BPTF: variants seen among roughly 807,000 people sequenced by gnomAD.
The protein encoded by BPTF is nucleosome-remodeling factor subunit BPTF.
In BPTF, 18 loss-of-function variants were observed where a neutral mutation model predicts 292.5. The ratio of observed to expected loss-of-function variants is 0.06; its 90% CI spans 0.04 to 0.09. BPTF has a LOEUF of 0.09. Ranked by LOEUF, BPTF falls within the 10% of genes least tolerant of loss-of-function variation. The probability of loss-of-function intolerance (pLI) is 1.00; values close to 1 mark genes in which losing one functional copy is unlikely to be tolerated. For missense variants in BPTF, 2,726 were observed against 3,498.7 expected (o/e 0.78, Z 5.57); for synonymous variants, 1,225 against 1,251.9 (o/e 0.98, Z 0.45).
chr17:67,917,131 C>CT (rs943348736), intron 11 of BPTF, among the ~76,000 whole-genome samples: 3,067 of 105,800 alleles, frequency 0.029, 203 homozygotes, highest in Non-Finnish European at 0.032. Context: ...TGGTATTGTC[C>CT]TTTTTTTTTT....
At chr17:67,892,572 G>A (rs572801543) in intron 5 of BPTF, among the ~76,000 whole-genome samples, 80 of 152,282 alleles carry the variant, frequency 5.3e-4, no homozygotes, top group Middle Eastern at 3.4e-3. Context: ...GACAGGACAT[G>A]GTCCCAACTT....
chr17:67,850,231 C>T (rs2058309545), intron 1 of BPTF, among the ~76,000 whole-genome samples: 1 of 151,990 alleles, frequency 6.6e-6, no homozygotes, highest in Non-Finnish European at 1.5e-5. Flanking sequence ...TTAAAAAATC[C>T]CTGTCGTTAA....
chr17:67,875,670 G>A, intron 4 of BPTF: 2 of 1,607,660 alleles, frequency 1.2e-6, no homozygotes, highest in Non-Finnish European at 1.7e-6. Flanking sequence ...CCTGTGGGGT[G>A]TCTCTCAGAA....
chr17:67,944,450 C>T, intron 20 of BPTF, 78 bp downstream of exon 20: 1 of 1,479,696 alleles, frequency 6.8e-7, no homozygotes, highest in Non-Finnish European at 9.2e-7. Flanking sequence ...ACAGGAGAAC[C>T]AGTATTTACC....
chr17:67,946,178 T>C lies in BPTF; in HGVS notation c.7470T>C (p.Val2490=). 1 of 1,614,172 alleles carries C rather than the reference T, an allele frequency of 6.2e-7. No homozygotes were observed. Among genetic ancestry groups the C allele is most frequent in the Non-Finnish European group, 8.5e-7 (1 of 1,180,024 alleles). ...AVQTHQIQNV[V]TVQAASVQEQ... The stretch of plus-strand genomic sequence containing the variant: ...AGACTCACCAGATTCAGAATGTGGT[T>C]ACAGTGCAGGCAGCCAGTGTGCAAG... Residue 2490 remains valine, a synonymous_variant, in exon 21 of 28, where the codon GTT becomes GTC. Coordinates refer to ENST00000306378, the MANE Select transcript of BPTF (RefSeq NM_182641.4).
intron 4 of BPTF, among the ~76,000 whole-genome samples, chr17:67,877,490 T>C (rs1431522945): frequency 6.6e-6 from 1 of 152,270 alleles, no homozygotes; most frequent in Non-Finnish European, 1.5e-5. Flanking sequence ...ATAGCCGTGA[T>C]AGAAGACATC....
Position 67,961,664 on chromosome 17 carries a change from T to G in BPTF, c.8261+1789T>G, listed in dbSNP as rs189500724. ...GTGTTTGAGACCAGTCTGGGCAACA[T>G]AGAGAGACCCCGTCTGTACAAAAAA... On this transcript the variant is annotated intron_variant, in intron 24 of 27. Transcript: ENST00000306378. Among the ~76,000 whole-genome samples, 196 of 151,886 alleles carry G rather than the reference T, an allele frequency of 1.3e-3. 1 individual carries two copies. The highest frequency in any genetic ancestry group is 2.2e-3 in the Non-Finnish European group (151 of 67,918).
At chr17:67,871,462 A>G (rs954151318) in intron 3 of BPTF, among the ~76,000 whole-genome samples, 4 of 151,196 alleles carry the variant, frequency 2.6e-5, no homozygotes, top group Non-Finnish European at 5.9e-5. Flanking sequence ...AAAAAAAAAA[A>G]TTATACAGTA....
intron 1 of BPTF, among the ~76,000 whole-genome samples, chr17:67,842,118 G>A (rs78222435): frequency 1.3e-5 from 2 of 151,862 alleles, no homozygotes; most frequent in African/African-American, 2.4e-5. Context: ...TTGTACATAT[G>A]TGTATATATC....
intron 7 of BPTF, among the ~76,000 whole-genome samples, chr17:67,895,460 AC>A (rs2061379598): frequency 1.4e-5 from 2 of 145,434 alleles, no homozygotes; most frequent in African/African-American, 5.1e-5. Flanking sequence ...TCCACCACAT[AC>A]ATTTTTTTTT....
At chr17:67,931,300 GTAAA>G (rs2064365864) in intron 17 of BPTF, among the ~76,000 whole-genome samples, 1 of 151,630 alleles carries the variant, frequency 6.6e-6, no homozygotes, top group Non-Finnish European at 1.5e-5. Context: ...CTCTAAATAA[GTAAA>G]TGAATGAATG....
intron 26 of BPTF, among the ~76,000 whole-genome samples, chr17:67,969,163 A>G (rs1198046871): frequency 2.0e-5 from 3 of 149,940 alleles, no homozygotes; most frequent in Non-Finnish European, 4.4e-5. Flanking sequence ...TGAATCAGCC[A>G]AGGCCAGGCG....
chr17:67,949,940 C>G (rs1555677594), intron 23 of BPTF, among the ~76,000 whole-genome samples: 1 of 146,858 alleles, frequency 6.8e-6, no homozygotes, highest in Non-Finnish European at 1.5e-5. Context: ...GTAATCCCAG[C>G]TAGTTAGGAG....
chr17:67,964,305 C>G lies in BPTF; in HGVS notation c.8355C>G (p.Val2785=). The G allele has an allele frequency of 6.2e-7, 1 of 1,614,154 alleles. No homozygotes were observed. Among genetic ancestry groups the G allele is most frequent in the Non-Finnish European group, 8.5e-7 (1 of 1,180,030 alleles). ...AGGCAGAGCTCATTGATGAGTATGT[C>G]TGTCCACAGTGCCAGTCAACAGAGG... ...QSEAELIDEY[V]CPQCQSTEDA... is the part of the protein sequence containing the mutation. Residue 2785 remains valine, a synonymous_variant, in exon 25 of 28, where the codon GTC becomes GTG. Transcript: ENST00000306378.
rs56335701 is a variant in BPTF at position 67,843,754 on chromosome 17, C to CTTTT, written c.614-10161_614-10158dup. 3.7e-4 allele frequency among the ~76,000 whole-genome samples: 23 copies of CTTTT among 62,224 alleles called. 4 individuals carry two copies. The highest frequency in any genetic ancestry group is 1.9e-3 in the African/African-American group (23 of 11,922). The allele number at this position is 62,224 out of a possible 152,430, so 40.8% of individuals were successfully genotyped here. A position where few individuals can be genotyped will look rare whatever the true frequency, so the allele number is the denominator to read the frequency against. Reference sequence around the variant, plus strand: ...TTTTTAAATTGTCTGGAGCAGTTGTCTTTTTTTTTTTTTTTTTTTTTTTTT... The same window carrying CTTTT: ...TTTTTAAATTGTCTGGAGCAGTTGTCTTTTTTTTTTTTTTTTTTTTTTTTTTTTT... On this transcript the variant is annotated intron_variant, in intron 1 of 27. Coordinates refer to ENST00000306378, the MANE Select transcript of BPTF (RefSeq NM_182641.4).
At chr17:67,972,781 C>G (rs1437816164) in intron 26 of BPTF, among the ~76,000 whole-genome samples, 2 of 151,736 alleles carry the variant, frequency 1.3e-5, no homozygotes, top group African/African-American at 4.8e-5. Flanking sequence ...TATTCACATA[C>G]TTTATTAAAA....
At position 67,903,648 on chromosome 17, in the gene BPTF, A is replaced by G. The variant is rs923826972; in HGVS notation, c.2544-141A>G. 1.6e-5 allele frequency: 11 copies of G among 674,832 alleles called. No individual in the cohort carries two copies. In the Middle Eastern group the frequency reaches 1.8e-3, roughly 112 times the overall value. 41.8% of individuals were successfully genotyped at this position (674,832 alleles called of 1,614,324 possible). A position where few individuals can be genotyped will look rare whatever the true frequency, so the allele number is the denominator to read the frequency against. ...CTTGTTAAGGAATTGTACAACTACAACTAAGTTTTGTCAGTTGGGGTTGTC... is the reference window on the plus strand; with the variant it reads ...CTTGTTAAGGAATTGTACAACTACAGCTAAGTTTTGTCAGTTGGGGTTGTC... On this transcript the variant is annotated intron_variant, in intron 7 of 27. Coordinates refer to ENST00000306378, the MANE Select transcript of BPTF (RefSeq NM_182641.4).
intron 16 of BPTF, chr17:67,928,965 G>T: frequency 8.6e-7 from 1 of 1,167,142 alleles, no homozygotes; most frequent in Non-Finnish European, 1.1e-6. Flanking sequence ...TTAGCCACCA[G>T]CACAGCTGCC....
At chr17:67,895,863 T>TTTTA (rs978820416) in intron 7 of BPTF, among the ~76,000 whole-genome samples, 37 of 148,392 alleles carry the variant, frequency 2.5e-4, no homozygotes, top group African/African-American at 9.0e-4. Context: ...GTAGAGAGAC[T>TTTTA]TTTACCCTGT....
Sources: allele counts gnomAD v4.1 joint callset (sites outside exome capture counted in the v4.1 genomes callset), GRCh38; gene constraint gnomAD v4.1.1; transcripts MANE v1.5; gene names NCBI Gene and HGNC (gene_info 2026-07-23, HGNC 2026-07-21).